EPB41: variants seen among roughly 807,000 people sequenced by gnomAD.
EPB41 encodes erythrocyte membrane protein band 4.1, also known as protein 4.1.
A neutral mutation model predicts 108.0 loss-of-function variants in EPB41; 65 were observed. The observed-to-expected ratio is 0.60, with a 90% confidence interval of 0.49 to 0.74. EPB41 has a LOEUF of 0.74. EPB41 is among the 30% of genes least tolerant of loss of function. EPB41 has a pLI of 0.00. For synonymous variants in EPB41, 336 were observed against 358.9 expected, an observed-to-expected ratio of 0.94 and a Z score of 0.72; for missense variants, 875 against 1,037.0, an observed-to-expected ratio of 0.84 and a Z score of 2.15.
At chr1:29,070,052 G>A (rs1213523430) in intron 16 of EPB41, 2 of 204,102 alleles carry the variant, frequency 9.8e-6, no homozygotes, top group Non-Finnish European at 1.9e-5. Flanking sequence ...CAAAGTAATA[G>A]AAAATGACCT....
chr1:29,014,644 C>T (rs946615618), intron 5 of EPB41, among the ~76,000 whole-genome samples: 4 of 152,096 alleles, frequency 2.6e-5, no homozygotes, highest in African/African-American at 9.7e-5. Flanking sequence ...TAGCTCATTG[C>T]AGCCTTGAAC....
chr1:29,007,909 G>A (rs1250205763), intron 4 of EPB41, among the ~76,000 whole-genome samples: 2 of 152,126 alleles, frequency 1.3e-5, no homozygotes, highest in Admixed American at 1.3e-4. Flanking sequence ...TGAGGAAGGT[G>A]CCCAAATGTA....
intron 1 of EPB41, among the ~76,000 whole-genome samples, chr1:28,917,248 C>A (rs149932): frequency 1.3e-5 from 2 of 149,558 alleles, no homozygotes; most frequent in Non-Finnish European, 3.0e-5. Context: ...ATCTCTCTCT[C>A]TGTGTGTGTG....
chr1:28,995,304 C>T (rs1217147625), intron 3 of EPB41, among the ~76,000 whole-genome samples: 1 of 152,108 alleles, frequency 6.6e-6, no homozygotes, highest in East Asian at 1.9e-4. Flanking sequence ...TGGCTCATGC[C>T]TGTAATCCCA....
chr1:29,022,534 A>G (rs1446417983), intron 7 of EPB41, among the ~76,000 whole-genome samples: 2 of 152,124 alleles, frequency 1.3e-5, no homozygotes, highest in East Asian at 3.9e-4. Context: ...CAGCCTGGCC[A>G]ATATGGTGAA....
chr1:29,063,668 A>G (rs1266887317), intron 15 of EPB41, among the ~76,000 whole-genome samples: 1 of 152,246 alleles, frequency 6.6e-6, no homozygotes, highest in Non-Finnish European at 1.5e-5. Flanking sequence ...ACTAAATCCA[A>G]AATTCACCAA....
intron 4 of EPB41, among the ~76,000 whole-genome samples, chr1:29,011,383 A>AT (rs2096498327): frequency 6.6e-6 from 1 of 151,844 alleles, no homozygotes; most frequent in Admixed American, 6.6e-5. Context: ...AAAAAAAAAA[A>AT]GAAAAAACTT....
intron 1 of EPB41, among the ~76,000 whole-genome samples, chr1:28,946,402 T>G (rs1482756564): frequency 5.9e-5 from 9 of 152,150 alleles, no homozygotes. Flanking sequence ...CCACTGCACC[T>G]GGCCAACTCT....
At chr1:28,923,204 T>C (rs1249449766) in intron 1 of EPB41, among the ~76,000 whole-genome samples, 1 of 143,694 alleles carries the variant, frequency 7.0e-6, no homozygotes, top group African/African-American at 2.6e-5. Context: ...CAAGCGATTC[T>C]CCTGCCTCAG....
At chr1:29,094,401 C>T (rs888334363) in intron 16 of EPB41, among the ~76,000 whole-genome samples, 1 of 152,158 alleles carries the variant, frequency 6.6e-6, no homozygotes, top group African/African-American at 2.4e-5. Flanking sequence ...TTCAGCCTCC[C>T]AAGTAGCTGG....
At chr1:29,112,103 C>G (rs1414490513) in intron 18 of EPB41, among the ~76,000 whole-genome samples, 1 of 152,080 alleles carries the variant, frequency 6.6e-6, no homozygotes. Flanking sequence ...TTTGCAGTAC[C>G]CAGCAGTAGA....
intron 5 of EPB41, among the ~76,000 whole-genome samples, chr1:29,014,664 C>T (rs183864175): frequency 4.0e-4 from 61 of 152,176 alleles, no homozygotes; most frequent in Non-Finnish European, 6.0e-4. Context: ...CTCCTGGACT[C>T]GGGAGAGCCT....
At chr1:29,059,733 G>A (rs907621738) in intron 14 of EPB41, among the ~76,000 whole-genome samples, 1 of 152,142 alleles carries the variant, frequency 6.6e-6, no homozygotes, top group Non-Finnish European at 1.5e-5. Flanking sequence ...AGCCACAGCT[G>A]CACCACTACA....
At chr1:29,070,463 C>T in intron 16 of EPB41, 1 of 1,232,170 alleles carries the variant, frequency 8.1e-7, no homozygotes, top group Non-Finnish European at 1.0e-6. Context: ...TGAAGAAATT[C>T]TTCCCAAGGT....
intron 18 of EPB41, among the ~76,000 whole-genome samples, chr1:29,110,700 T>C (rs1481242210): frequency 1.3e-5 from 2 of 152,188 alleles, no homozygotes; most frequent in Non-Finnish European, 2.9e-5. Context: ...GACTGGAAAC[T>C]AGTTAACTTA....
At chr1:28,942,324 T>C (rs1011142149) in intron 1 of EPB41, among the ~76,000 whole-genome samples, 3 of 152,192 alleles carry the variant, frequency 2.0e-5, no homozygotes, top group Non-Finnish European at 4.4e-5. Flanking sequence ...TCATATCAGA[T>C]GCTATTCACA....
chr1:29,075,651 A>C (rs1057063509), intron 16 of EPB41, among the ~76,000 whole-genome samples: 4 of 152,176 alleles, frequency 2.6e-5, no homozygotes, highest in Non-Finnish European at 4.4e-5. Context: ...TGAGCCTCTC[A>C]TTTTCTTATC....
At chr1:28,963,027 A>G (rs2095263508) in intron 1 of EPB41, among the ~76,000 whole-genome samples, 1 of 152,016 alleles carries the variant, frequency 6.6e-6, no homozygotes, top group Non-Finnish European at 1.5e-5. Flanking sequence ...ATATCTTTGC[A>G]TTCTTAGTGC....
At chr1:28,967,309 C>T (rs773131176) in intron 1 of EPB41, among the ~76,000 whole-genome samples, 20 of 152,172 alleles carry the variant, frequency 1.3e-4, no homozygotes, top group Non-Finnish European at 2.5e-4. Context: ...TGAGCCACCA[C>T]GCTCGGCCCT....
Sources: allele counts gnomAD v4.1 joint callset (sites outside exome capture counted in the v4.1 genomes callset), GRCh38; gene constraint gnomAD v4.1.1; transcripts MANE v1.5; gene names NCBI Gene and HGNC (gene_info 2026-07-23, HGNC 2026-07-21).